The following PLA2G4F variants were observed in gnomAD, a reference collection of about 807,000 sequenced individuals.
PLA2G4F encodes the protein phospholipase A2 group IVF, also known as cytosolic phospholipase A2 zeta.
PLA2G4F carries 105 observed loss-of-function variants against 103.1 expected under a neutral mutation model. That is an observed-to-expected ratio of 1.02 (90% confidence interval 0.87 to 1.20). The LOEUF (loss-of-function observed/expected upper bound fraction) is 1.20, where lower values mean the gene tolerates loss of function less well. Ranked by LOEUF, PLA2G4F falls within the 50% of genes most tolerant of loss-of-function variation. The pLI, the probability that PLA2G4F is intolerant of heterozygous loss-of-function variation, is 0.00. For synonymous variants in PLA2G4F, 468 were observed against 441.1 expected (o/e 1.06, Z -0.76); for missense variants, 1,155 against 1,075.9 (o/e 1.07, Z -1.03).
In PLA2G4F at chr15:42,154,345, A is replaced by T. The variant is rs2048990429; in HGVS notation, c.298T>A (p.Tyr100Asn). Residue 100 changes from tyrosine (Y) to asparagine (N), a missense_variant, in exon 3 of 20, where the codon TAC (tyrosine) becomes AAC (asparagine). Tyr to Asn is a moderately radical substitution (Grantham distance 143, BLOSUM62 -2). Transcript: ENST00000397272. The part of the protein sequence containing the change: ...SDPEWNETFH[Y>N]QIHGAVKNVL... ...ACCTTCACAGCACCATGGATCTGGT[A>T]GTGGAAGGTCTCATTCCACTCGGGG... 1 of 1,610,206 alleles carries T rather than the reference A, an allele frequency of 6.2e-7. No homozygotes were observed. Among genetic ancestry groups the T allele is most frequent in the Non-Finnish European group, 8.5e-7 (1 of 1,177,418 alleles).
At chr15:42,155,184 TACACACTCGCAGTCACATTTGCACTC>T (rs2049003343) in intron 2 of PLA2G4F, among the ~76,000 whole-genome samples, 2 of 151,638 alleles carry the variant, frequency 1.3e-5, no homozygotes, top group Admixed American at 6.6e-5. Flanking sequence ...TACATGTGTA[TACACACTCGCAGTCACATTTGCACTC>T]ACACACTCGC....
chr15:42,155,292 A>G (rs777851336), intron 2 of PLA2G4F, among the ~76,000 whole-genome samples: 1 of 151,786 alleles, frequency 6.6e-6, no homozygotes, highest in Non-Finnish European at 1.5e-5. Flanking sequence ...CACCACATAT[A>G]CACGCACTCA....
Position 42,153,483 on chromosome 15 carries a change from C to A in PLA2G4F, c.491+137G>T, listed in dbSNP as rs1263582161. On this transcript the variant is annotated intron_variant, in intron 5 of 19. Coordinates refer to ENST00000397272, the MANE Select transcript of PLA2G4F (RefSeq NM_213600.4). ...TGGGGCGAGCCTGCCGCCCAACATG[C>A]AGATGGGTGTCAAGACCAGGCCATT... The A allele has an allele frequency of 3.4e-5, 49 of 1,461,484 alleles. No individual in the cohort carries two copies. In the Admixed American group the frequency reaches 8.4e-4, roughly 25 times the overall value. 90.5% of individuals were successfully genotyped at this position (1,461,484 alleles called of 1,614,324 possible).
chr15:42,145,459 C>T, intron 16 of PLA2G4F, 116 bp downstream of exon 16: 2 of 1,083,746 alleles, frequency 1.8e-6, no homozygotes. Flanking sequence ...CAGGACTTCC[C>T]CGAATCCAGT....
Position 42,141,033 on chromosome 15 carries a change from A to G in PLA2G4F, c.*951T>C. 1 of 350,210 alleles carries G rather than the reference A, an allele frequency of 2.9e-6. No homozygotes were observed. The highest frequency in any genetic ancestry group is 2.2e-5 in the South Asian group (1 of 45,728). The allele number at this position is 350,210 out of a possible 1,614,324, so 21.7% of individuals were successfully genotyped here. A position where few individuals can be genotyped will look rare whatever the true frequency, so the allele number is the denominator to read the frequency against. On this transcript the variant is annotated 3_prime_UTR_variant, in exon 20 of 20. Coordinates refer to ENST00000397272, the MANE Select transcript of PLA2G4F (RefSeq NM_213600.4). ...AGAGTGAGAAACAAAACTTGCCAAGACCCATTGGATGCATCTGGGAAAGAG... is the reference window on the plus strand; with the variant it reads ...AGAGTGAGAAACAAAACTTGCCAAGGCCCATTGGATGCATCTGGGAAAGAG...
At chr15:42,155,215 A>T (rs1027380526) in intron 2 of PLA2G4F, among the ~76,000 whole-genome samples, 3 of 150,632 alleles carry the variant, frequency 2.0e-5, no homozygotes, top group Admixed American at 2.0e-4. Context: ...GCACTCACAC[A>T]CTCGCTCACA....
chr15:42,154,028 T>C (rs139653003), intron 4 of PLA2G4F, 64 bp downstream of exon 4: 19 of 1,605,592 alleles, frequency 1.2e-5, no homozygotes, highest in Admixed American at 1.0e-4. Context: ...GCCCCCTCTT[T>C]GGTGGCCCTG....
In PLA2G4F at chr15:42,150,114, C is replaced by T. The variant is rs747676069; in HGVS notation, c.913G>A (p.Val305Met). The T allele has an allele frequency of 1.2e-6, 2 of 1,614,188 alleles. No homozygotes were observed. Among genetic ancestry groups the T allele is most frequent in the South Asian group, 1.1e-5 (1 of 91,054 alleles). ...EGQEVALSMK[V>M]EMSSGDLDLR... ...TGGAGTCCCACTCACCTCATTTCCA[C>T]CTTCATGCTCAGAGCCACCTCCTGG... is the stretch of plus-strand genomic sequence containing the variant. Residue 305 changes from valine (V) to methionine (M), a missense_variant, in exon 10 of 20, where the codon GTG (valine) becomes ATG (methionine). Around this residue, in one of 3 missense-constraint regions of PLA2G4F, gnomAD observed 3 missense variants for 18.1 expected, o/e 0.17. Coordinates refer to ENST00000397272, the MANE Select transcript of PLA2G4F (RefSeq NM_213600.4).
intron 11 of PLA2G4F, 84 bp downstream of exon 11, chr15:42,149,627 CCT>C: frequency 6.4e-7 from 1 of 1,559,322 alleles, no homozygotes; most frequent in Non-Finnish European, 8.7e-7. Flanking sequence ...TCCTCTGGCC[CCT>C]CTTAGCCATG....
At chr15:42,152,656 G>A in intron 7 of PLA2G4F, 32 bp downstream of exon 7, 1 of 1,551,300 alleles carries the variant, frequency 6.4e-7, no homozygotes, top group Non-Finnish European at 8.7e-7. Context: ...GGGAGAGAAG[G>A]CAAAAGACCC....
intron 12 of PLA2G4F, 115 bp from the exon 13 acceptor site, chr15:42,147,461 A>C: frequency 7.3e-7 from 1 of 1,377,974 alleles, no homozygotes; most frequent in Non-Finnish European, 1.0e-6. Flanking sequence ...TGCCCTGCAA[A>C]CAACCCAACT....
chr15:42,155,209 TCACA>T (rs553855821), intron 2 of PLA2G4F, among the ~76,000 whole-genome samples: 6 of 151,298 alleles, frequency 4.0e-5, no homozygotes, highest in South Asian at 2.1e-4. Context: ...ACATTTGCAC[TCACA>T]CACTCGCTCA....
intron 2 of PLA2G4F, among the ~76,000 whole-genome samples, chr15:42,154,931 A>G (rs779748201): frequency 1.3e-5 from 2 of 151,268 alleles, no homozygotes; most frequent in African/African-American, 2.4e-5. Flanking sequence ...CCCTCCACCT[A>G]CTCTTGCACT....
chr15:42,154,187 T>C lies in PLA2G4F; in HGVS notation c.355A>G (p.Ile119Val), dbSNP rs1320648522. Residue 119 changes from isoleucine (I) to valine (V), a missense_variant, in exon 4 of 20, where the codon ATC (isoleucine) becomes GTC (valine). Physicochemically the swap from Ile to Val is conservative, Grantham distance 29 (BLOSUM62 3). Transcript: ENST00000397272. ...AGAGAGAGCTGGTCGCTGCCCAGGA[T>C]GTCCTTGTCATAGAGGGTGAGCTCC... ...VLELTLYDKDILGSDQLSLLL... is the reference protein window; with the variant it reads ...VLELTLYDKDVLGSDQLSLLL... 6.2e-7 allele frequency: 1 copy of C among 1,614,094 alleles called. No homozygotes were observed. The highest frequency in any genetic ancestry group is 8.5e-7 in the Non-Finnish European group (1 of 1,180,048).
intron 3 of PLA2G4F, 32 bp from the exon 4 acceptor site, chr15:42,154,252 T>C: frequency 6.2e-7 from 1 of 1,614,028 alleles, no homozygotes; most frequent in Non-Finnish European, 8.5e-7. Context: ...GGTCCGAGCA[T>C]GAGGTAGGAC....
At chr15:42,143,951 T>C (rs1394254014) in intron 18 of PLA2G4F, 27 bp downstream of exon 18, 2 of 1,576,222 alleles carry the variant, frequency 1.3e-6, no homozygotes, top group Non-Finnish European at 8.6e-7. Context: ...CTGCAGGTGC[T>C]CCCCACATCC....
rs142239220 is a variant in PLA2G4F, at chr15:42,141,969, C to T, written c.*15G>A. 7.6e-4 allele frequency: 1,225 copies of T among 1,607,356 alleles called. 5 individuals are homozygous for T. In the African/African-American group the frequency reaches 9.6e-3, roughly 13 times the overall value. Reference sequence around the variant, plus strand: ...GTGTCTCCTCTCTGTCACAGTCCTCCGCTTCCTGCCTTGGTCAGGCCCCTG... The same window carrying T: ...GTGTCTCCTCTCTGTCACAGTCCTCTGCTTCCTGCCTTGGTCAGGCCCCTG... On this transcript the variant is annotated 3_prime_UTR_variant, in exon 20 of 20. Coordinates refer to ENST00000397272, the MANE Select transcript of PLA2G4F (RefSeq NM_213600.4).
chr15:42,144,248 T>C, intron 17 of PLA2G4F, 104 bp from the exon 18 acceptor site: 1 of 1,443,560 alleles, frequency 6.9e-7, no homozygotes, highest in East Asian at 2.3e-5. Flanking sequence ...TAGAGTTCTC[T>C]CTGACAGCCA....
At chr15:42,144,352 C>T in intron 17 of PLA2G4F, 98 bp downstream of exon 17, 1 of 1,509,876 alleles carries the variant, frequency 6.6e-7, no homozygotes, top group African/African-American at 1.4e-5. Context: ...CAGGAGACCA[C>T]ACCTCAACCC....
Sources: gnomAD v4.1 joint callset for allele counts (sites outside exome capture counted in the v4.1 genomes callset) on GRCh38, gnomAD v4.1.1 for gene constraint, gnomAD v4.1.1 regional missense constraint, MANE v1.5 for transcripts, NCBI Gene and HGNC (gene_info 2026-07-23, HGNC 2026-07-21) for gene names.